The following ANKFN1 variants were observed in gnomAD, a reference collection of about 807,000 sequenced individuals.
ANKFN1 encodes ankyrin repeat and fibronectin type-III domain-containing protein 1.
ANKFN1 carries 74 observed loss-of-function variants against 108.7 expected under a neutral mutation model. That is an observed-to-expected ratio of 0.68 (90% CI 0.56 to 0.83). ANKFN1 has a LOEUF of 0.83. ANKFN1 is among the 40% of genes least tolerant of loss of function. ANKFN1 has a pLI of 0.00. For synonymous variants in ANKFN1, 547 were observed against 516.2 expected (o/e 1.06, Z -0.81); for missense variants, 1,505 against 1,382.3 (o/e 1.09, Z -1.41).
chr17:56,243,585 C>T (rs1436610842), intron 3 of ANKFN1, among the ~76,000 whole-genome samples: 3 of 152,108 alleles, frequency 2.0e-5, no homozygotes, highest in South Asian at 2.1e-4. Flanking sequence ...TAATATGAAG[C>T]ATTTTTACTT....
At chr17:56,059,504 G>T (rs2217506) in intron 4 of ANKFN1, among the ~76,000 whole-genome samples, 118,101 of 152,082 alleles carry the variant, frequency 0.78, 46,047 homozygotes, top group Non-Finnish European at 0.81. Context: ...TGAAGTCTTT[G>T]CCTATGCCTA....
intron 4 of ANKFN1, among the ~76,000 whole-genome samples, chr17:56,114,451 C>A (rs1454845581): frequency 6.6e-6 from 1 of 152,144 alleles, no homozygotes; most frequent in Non-Finnish European, 1.5e-5. Context: ...TTTTTGAGTG[C>A]CTGTAATGGA....
chr17:56,502,037 GGAA>G (rs2145457994), intron 20 of ANKFN1, among the ~76,000 whole-genome samples: 1 of 152,302 alleles, frequency 6.6e-6, no homozygotes, highest in East Asian at 1.9e-4. Flanking sequence ...GCTGCAAAAG[GGAA>G]GAAGGAGGGA....
intron 4 of ANKFN1, among the ~76,000 whole-genome samples, chr17:56,074,051 T>C (rs999324996): frequency 1.3e-5 from 2 of 152,244 alleles, no homozygotes; most frequent in African/African-American, 4.8e-5. Flanking sequence ...ATTCTGTGTT[T>C]CCCTTTTTGA....
At chr17:56,427,754 A>G (rs953404361) in intron 8 of ANKFN1, among the ~76,000 whole-genome samples, 1 of 152,142 alleles carries the variant, frequency 6.6e-6, no homozygotes, top group African/African-American at 2.4e-5. Context: ...CTATTAATCC[A>G]TTTATTACTT....
intron 4 of ANKFN1, among the ~76,000 whole-genome samples, chr17:56,337,822 G>C (rs2045855144): frequency 6.6e-6 from 1 of 152,166 alleles, no homozygotes; most frequent in African/African-American, 2.4e-5. Flanking sequence ...TGGAGAGGAT[G>C]TGGAGAAATA....
chr17:56,338,024 T>C (rs1424950993), intron 4 of ANKFN1, among the ~76,000 whole-genome samples: 1 of 152,184 alleles, frequency 6.6e-6, no homozygotes, highest in Non-Finnish European at 1.5e-5. Context: ...TGCGGCACTA[T>C]TCACAATAGC....
intron 3 of ANKFN1, 144 bp from the exon 4 acceptor site, chr17:56,326,077 T>C: frequency 8.7e-7 from 1 of 1,143,070 alleles, no homozygotes; most frequent in South Asian, 1.7e-5. Context: ...AGAATACACC[T>C]AGCCTCTGAG....
intron 5 of ANKFN1, 71 bp from the exon 6 acceptor site, chr17:56,353,765 T>C (rs981986567): frequency 7.0e-7 from 1 of 1,432,478 alleles, no homozygotes; most frequent in African/African-American, 1.4e-5. Context: ...GTCTTTAAAC[T>C]TCAAAAGAGC....
chr17:56,086,319 C>T (rs948443564), intron 4 of ANKFN1, among the ~76,000 whole-genome samples: 6 of 151,088 alleles, frequency 4.0e-5, no homozygotes, highest in African/African-American at 4.9e-5. Flanking sequence ...GCAGGAGAAT[C>T]GCTTAAACCC....
intron 1 of ANKFN1, among the ~76,000 whole-genome samples, chr17:56,188,575 G>GTATATATA (rs1315546547): frequency 2.5e-4 from 22 of 88,182 alleles, no homozygotes; most frequent in African/African-American, 6.8e-4. Context: ...GTGTGTGTGT[G>GTATATATA]TGTGTGTATA....
intron 2 of ANKFN1, among the ~76,000 whole-genome samples, chr17:56,213,053 G>A (rs1463691317): frequency 6.6e-6 from 1 of 152,182 alleles, no homozygotes; most frequent in Non-Finnish European, 1.5e-5. Flanking sequence ...GGATTGAGAT[G>A]CTAATCCTTC....
intron 4 of ANKFN1, among the ~76,000 whole-genome samples, chr17:56,110,472 G>C (rs1905899545): frequency 6.6e-6 from 1 of 152,290 alleles, no homozygotes; most frequent in Non-Finnish European, 1.5e-5. Context: ...TAGTCGATTA[G>C]TGTCTGTCTC....
intron 5 of ANKFN1, 149 bp downstream of exon 5, chr17:56,351,116 G>A: frequency 1.4e-6 from 1 of 724,794 alleles, no homozygotes; most frequent in Non-Finnish European, 2.2e-6. Context: ...GGTAGTAACT[G>A]TACATATTTA....
intron 4 of ANKFN1, among the ~76,000 whole-genome samples, chr17:56,048,597 T>G (rs1904720012): frequency 6.6e-6 from 1 of 152,220 alleles, no homozygotes; most frequent in South Asian, 2.1e-4. Flanking sequence ...GGCCTGCAGC[T>G]TCCCAGGTGC....
intron 3 of ANKFN1, among the ~76,000 whole-genome samples, chr17:56,318,566 A>G (rs895551952): frequency 4.6e-5 from 7 of 152,150 alleles, no homozygotes; most frequent in African/African-American, 1.4e-4. Context: ...TAGAGCCCCA[A>G]GTAACTCTAA....
rs1030418458 is a variant in ANKFN1, at chr17:56,492,058, T to C, written c.2261-129T>C. The C allele has an allele frequency of 6.7e-6, 4 of 600,006 alleles. No homozygotes were observed. The African/African-American group carries it at 7.4e-5, about 11-fold the overall frequency. 37.2% of individuals were successfully genotyped at this position (600,006 alleles called of 1,614,324 possible). On this transcript the variant is annotated intron_variant, in intron 18 of 20. Transcript: ENST00000682825. ...TAAGAGCACATTTATAATTTATTTA[T>C]GGCTTAATATTTTCCACTGATAGGA...
chr17:56,236,224 C>G (rs1917133185), intron 3 of ANKFN1, among the ~76,000 whole-genome samples: 1 of 151,596 alleles, frequency 6.6e-6, no homozygotes, highest in Non-Finnish European at 1.5e-5. Context: ...CCCCCGGCTA[C>G]TTTTTTGTAT....
At chr17:56,173,855 A>G (rs983214824) in intron 1 of ANKFN1, among the ~76,000 whole-genome samples, 13 of 152,216 alleles carry the variant, frequency 8.5e-5, no homozygotes, top group Admixed American at 3.3e-4. Context: ...TATTTGGTGA[A>G]TGAATGAGTA....
Sources: allele counts gnomAD v4.1 joint callset (sites outside exome capture counted in the v4.1 genomes callset), GRCh38; gene constraint gnomAD v4.1.1; transcripts MANE v1.5; gene names NCBI Gene and HGNC (gene_info 2026-07-23, HGNC 2026-07-21).